The following ZNF837 variants were observed in gnomAD, a reference collection of about 807,000 sequenced individuals.
ZNF837 encodes zinc finger protein 837.
For synonymous variants in ZNF837, 475 were observed against 365.2 expected (o/e 1.30, Z -3.43); for missense variants, 955 against 801.7 (o/e 1.19, Z -2.31).
chr19:58,370,383 A>G (rs2052188843), intron 1 of ZNF837, among the ~76,000 whole-genome samples: 1 of 152,180 alleles, frequency 6.6e-6, no homozygotes, highest in Non-Finnish European at 1.5e-5. Context: ...CACTAGGCCA[A>G]CCACACATAA....
At chr19:58,378,472 A>G (rs1455131744) in intron 1 of ZNF837, among the ~76,000 whole-genome samples, 2 of 152,210 alleles carry the variant, frequency 1.3e-5, no homozygotes, top group Non-Finnish European at 1.5e-5. Flanking sequence ...ACCAGCACTC[A>G]GCATGACTTC....
intron 1 of ZNF837, among the ~76,000 whole-genome samples, chr19:58,373,168 T>C (rs1266352965): frequency 6.6e-6 from 1 of 152,216 alleles, no homozygotes. Flanking sequence ...TTCCTGAGAC[T>C]TCCCGGAGCC....
At chr19:58,370,847 A>G (rs373267110) in intron 1 of ZNF837, among the ~76,000 whole-genome samples, 12 of 151,404 alleles carry the variant, frequency 7.9e-5, no homozygotes, top group East Asian at 5.9e-4. Context: ...GTTAGCCGAG[A>G]TCGCACCATT....
At position 58,367,758 on chromosome 19, in the gene ZNF837, G is replaced by C; in HGVS notation, c.1575C>G (p.His525Gln). 1 of 1,532,752 alleles carries C rather than the reference G, an allele frequency of 6.5e-7. No individual in the cohort carries two copies. The allele number at this position is 1,532,752 out of a possible 1,614,324, so 94.9% of individuals were successfully genotyped here. A position where few individuals can be genotyped will look rare whatever the true frequency, so the allele number is the denominator to read the frequency against. ...RSNLNEHRKR[H>Q]GGRAAP ...GCAGTCAAGGCGCGGCGCGGCCCCC[G>C]TGCCGCTTCCGGTGCTCGTTGAGGT... The change falls in exon 3 of 3, where the codon CAC becomes CAG. Residue 525 changes from histidine (H) to glutamine (Q), a missense_variant. His to Gln is a conservative substitution (Grantham distance 24, BLOSUM62 0). Transcript: ENST00000597582.
rs1374486363 is a variant in ZNF837, at chr19:58,369,103, C to T, written c.230G>A (p.Gly77Glu). The stretch of plus-strand genomic sequence containing the variant: ...TCTGGTCCCGGCGCTGTGCCGGGTC[C>T]CCGGGCCGGGGCTCACCCCGAGGCT... Reference protein sequence around the residue: ...GCSLGVSPGPGTRHSAGTRPL... With the variant: ...GCSLGVSPGPETRHSAGTRPL... Residue 77 changes from glycine (G) to glutamate (E), a missense_variant, in exon 3 of 3, where the codon GGG becomes GAG. Physicochemically the swap from Gly to Glu is moderately conservative, Grantham distance 98. Coordinates refer to ENST00000597582, the MANE Select transcript of ZNF837 (RefSeq NM_138466.2). 1 of 1,505,574 alleles carries T rather than the reference C, an allele frequency of 6.6e-7. No homozygotes were observed. Among genetic ancestry groups the T allele is most frequent in the Non-Finnish European group, 8.9e-7 (1 of 1,127,758 alleles). The allele number at this position is 1,505,574 out of a possible 1,614,324, so 93.3% of individuals were successfully genotyped here.
chr19:58,380,021 C>A (rs897714582), intron 1 of ZNF837, among the ~76,000 whole-genome samples: 1 of 115,136 alleles, frequency 8.7e-6, no homozygotes, highest in Non-Finnish European at 2.1e-5. Context: ...ACAACAACAA[C>A]AAAAACAGAA....
Position 58,380,936 on chromosome 19 carries a change from C to G in ZNF837, c.-140+5G>C, listed in dbSNP as rs1018662666. The G allele has an allele frequency of 6.9e-6, 1 of 144,540 alleles. No individual in the cohort carries two copies. Among genetic ancestry groups the G allele is most frequent in the Non-Finnish European group, 1.5e-5 (1 of 66,156 alleles). 9.0% of individuals were successfully genotyped at this position (144,540 alleles called of 1,614,324 possible). On this transcript the variant is annotated splice_donor_5th_base_variant and intron_variant, in intron 1 of 2. Coordinates refer to ENST00000597582, the MANE Select transcript of ZNF837 (RefSeq NM_138466.2). Reference sequence around the variant, plus strand: ...GGTTGCGGGTCCGCGCAGAATGCCACTTACTCTCTGGAGGCGGCCCGCACG... The same window carrying G: ...GGTTGCGGGTCCGCGCAGAATGCCAGTTACTCTCTGGAGGCGGCCCGCACG...
At position 58,368,472 on chromosome 19, in the gene ZNF837, C is replaced by A; in HGVS notation, c.861G>T (p.Leu287=). The change falls in exon 3 of 3, where the codon CTG becomes CTT. Residue 287 remains leucine (L), a synonymous_variant. Transcript: ENST00000597582. ...GKAFTRTSSL[L]QHQRIHTGER... ...CGCCCGTGTGGATGCGCTGGTGCTGCAGCAGGCTGGAGGTGCGCGTGAAGG... is the reference window on the plus strand; with the variant it reads ...CGCCCGTGTGGATGCGCTGGTGCTGAAGCAGGCTGGAGGTGCGCGTGAAGG... 1 of 1,568,934 alleles carries A rather than the reference C, an allele frequency of 6.4e-7. No homozygotes were observed. The highest frequency in any genetic ancestry group is 1.8e-5 in the Admixed American group (1 of 54,114).
In ZNF837 at chr19:58,369,047, A is replaced by C; in HGVS notation, c.286T>G (p.Ser96Ala). Reference protein sequence around the residue: ...PLVREPCGPTSSQNPELVIPE... With the variant: ...PLVREPCGPTASQNPELVIPE... ...ATAACCAGCTCAGGGTTCTGAGAAG[A>C]GGTGGGGCCGCACGGCTCCCGCACG... Residue 96 changes from serine to alanine, a missense_variant, in exon 3 of 3, where the codon TCT becomes GCT. By Grantham distance (99) the Ser-to-Ala change is moderately conservative. Coordinates refer to ENST00000597582, the MANE Select transcript of ZNF837 (RefSeq NM_138466.2). The C allele has an allele frequency of 1.3e-6, 2 of 1,515,022 alleles. No homozygotes were observed. The highest frequency in any genetic ancestry group is 1.8e-6 in the Non-Finnish European group (2 of 1,130,486). The allele number at this position is 1,515,022 out of a possible 1,614,324, so 93.8% of individuals were successfully genotyped here.
At position 58,368,328 on chromosome 19, in the gene ZNF837, G is replaced by GCGCCGCGCCAGGACGGGGCCA. The variant is rs1416803089; in HGVS notation, c.984_1004dup (p.Gly329_Arg335dup). On this transcript the variant is annotated inframe_insertion, in exon 3 of 3. Coordinates refer to ENST00000597582, the MANE Select transcript of ZNF837 (RefSeq NM_138466.2). ...AGGGCGGGCACCCCAGCCGGAAGGCGCGCCGCGCCAGGACGGGGCCACGCC... is the reference window on the plus strand; with the variant it reads ...AGGGCGGGCACCCCAGCCGGAAGGCGCGCCGCGCCAGGACGGGGCCACGCCGCGCCAGGACGGGGCCACGCC... 1 of 1,502,114 alleles carries GCGCCGCGCCAGGACGGGGCCA rather than the reference G, an allele frequency of 6.7e-7. No homozygotes were observed. The highest frequency in any genetic ancestry group is 1.4e-5 in the African/African-American group (1 of 70,526). The allele number at this position is 1,502,114 out of a possible 1,614,324, so 93.0% of individuals were successfully genotyped here. A position where few individuals can be genotyped will look rare whatever the true frequency, so the allele number is the denominator to read the frequency against.
rs773388390 is a variant in ZNF837, at chr19:58,367,962, G to T, written c.1371C>A (p.Arg457=). Residue 457 remains arginine (R), a synonymous_variant, in exon 3 of 3, where the codon CGC becomes CGA. Transcript: ENST00000597582. ...CGTGCTGGCGCAGCTCGGAGCAGCC[G>T]CGGAAGGTCTTTCCGCACTCGGAGC... ...YGCSECGKTF[R]GCSELRQHER... 1.0e-4 allele frequency: 158 copies of T among 1,532,616 alleles called. No individual in the cohort carries two copies. Among genetic ancestry groups the T allele is most frequent in the Non-Finnish European group, 1.3e-4 (151 of 1,144,030 alleles). 94.9% of individuals were successfully genotyped at this position (1,532,616 alleles called of 1,614,324 possible). A position where few individuals can be genotyped will look rare whatever the true frequency, so the allele number is the denominator to read the frequency against.
intron 1 of ZNF837, among the ~76,000 whole-genome samples, chr19:58,379,132 A>G (rs969665556): frequency 6.6e-6 from 1 of 152,184 alleles, no homozygotes; most frequent in Non-Finnish European, 1.5e-5. Flanking sequence ...ATCCCTAGTG[A>G]TGGGGAGTCA....
chr19:58,370,552 C>G (rs548966843), intron 1 of ZNF837, among the ~76,000 whole-genome samples: 2 of 152,150 alleles, frequency 1.3e-5, no homozygotes, highest in Non-Finnish European at 1.5e-5. Flanking sequence ...GATACACACA[C>G]GTGCATATAT....
intron 1 of ZNF837, among the ~76,000 whole-genome samples, chr19:58,377,680 T>C (rs575387167): frequency 1.3e-5 from 2 of 152,230 alleles, no homozygotes; most frequent in East Asian, 3.9e-4. Context: ...AAACTGAACA[T>C]GCTCGCTGGG....
chr19:58,368,504 C>G lies in ZNF837; in HGVS notation c.829G>C (p.Gly277Arg), dbSNP rs1306966354. 4 of 1,550,252 alleles carry G rather than the reference C, an allele frequency of 2.6e-6. No homozygotes were observed. The highest frequency in any genetic ancestry group is 2.4e-5 in the East Asian group (1 of 41,140). Residue 277 changes from glycine to arginine, a missense_variant, in exon 3 of 3, where the codon GGC (glycine) becomes CGC (arginine). Physicochemically the swap from Gly to Arg is moderately radical, Grantham distance 125. Transcript: ENST00000597582. ...CTGGAGGTGCGCGTGAAGGCCTTGC[C>G]GCACTCGTCGCAAGCGTACAGTCGC... ...AQRLYACDEC[G>R]KAFTRTSSLL...
Position 58,368,325 on chromosome 19 carries a change from G to T in ZNF837, c.1008C>A (p.Ala336=). ...CGCAGGGCGGGCACCCCAGCCGGAA[G>T]GCGCGCCGCGCCAGGACGGGGCCAC... The part of the protein sequence containing the change: ...HRRGPVLARR[A]FRLGCPPCGD... Residue 336 remains alanine (A), a synonymous_variant, in exon 3 of 3, where the codon GCC becomes GCA. Transcript: ENST00000597582. 1 of 1,497,104 alleles carries T rather than the reference G, an allele frequency of 6.7e-7. No individual in the cohort carries two copies. The highest frequency in any genetic ancestry group is 8.8e-7 in the Non-Finnish European group (1 of 1,132,158). 92.7% of individuals were successfully genotyped at this position (1,497,104 alleles called of 1,614,324 possible).
At chr19:58,377,795 G>A (rs1453572033) in intron 1 of ZNF837, among the ~76,000 whole-genome samples, 1 of 152,206 alleles carries the variant, frequency 6.6e-6, no homozygotes, top group Non-Finnish European at 1.5e-5. Flanking sequence ...CTGAGGGCAG[G>A]ACACAAGACA....
chr19:58,371,114 G>A (rs1263549230), intron 1 of ZNF837, among the ~76,000 whole-genome samples: 9 of 151,840 alleles, frequency 5.9e-5, no homozygotes, highest in South Asian at 2.1e-4. Context: ...GGTGGCGGGC[G>A]CCTGTAGTCC....
intron 1 of ZNF837, among the ~76,000 whole-genome samples, chr19:58,376,691 T>C (rs535272988): frequency 5.3e-5 from 8 of 150,848 alleles, no homozygotes; most frequent in Non-Finnish European, 1.2e-4. Flanking sequence ...GTCAACTGCA[T>C]ACCAGAGTAC....
Sources: allele counts gnomAD v4.1 joint callset (sites outside exome capture counted in the v4.1 genomes callset), GRCh38; gene constraint gnomAD v4.1.1; transcripts MANE v1.5; gene names NCBI Gene and HGNC (gene_info 2026-07-23, HGNC 2026-07-21).